Variants in SHISA9 observed in about 807,000 individuals in gnomAD.
The protein encoded by SHISA9 is protein shisa-9.
SHISA9 carries 13 observed loss-of-function variants against 38.0 expected under a neutral mutation model. The ratio of observed to expected loss-of-function variants is 0.34; its 90% CI spans 0.22 to 0.54. The LOEUF (loss-of-function observed/expected upper bound fraction) is 0.54. Ranked by LOEUF, SHISA9 falls within the 20% of genes least tolerant of loss-of-function variation. SHISA9 has a pLI of 0.91. For synonymous variants in SHISA9, 275 were observed against 242.0 expected (o/e 1.14, Z -1.27); for missense variants, 538 against 575.8 (o/e 0.93, Z 0.67).
At chr16:13,149,839 C>T (rs543973820) in intron 2 of SHISA9, among the ~76,000 whole-genome samples, 21 of 150,476 alleles carry the variant, frequency 1.4e-4, no homozygotes, top group African/African-American at 4.2e-4. Flanking sequence ...GCACAAGAAT[C>T]GCTTGAACCT....
At chr16:12,930,770 C>G (rs900266306) in intron 2 of SHISA9, among the ~76,000 whole-genome samples, 1 of 152,100 alleles carries the variant, frequency 6.6e-6, no homozygotes, top group African/African-American at 2.4e-5. Context: ...TATTAAATCT[C>G]TAACAGTTAT....
At chr16:13,261,823 C>G in the SHISA9 span, among the ~76,000 whole-genome samples, 1 of 152,092 alleles carries the variant, frequency 6.6e-6, no homozygotes, top group Admixed American at 6.5e-5. Context: ...ACAAAGAAAA[C>G]TGAGATAGGA....
At chr16:13,213,388 T>G in intron 4 of SHISA9, 88 bp downstream of exon 4, 1 of 1,261,466 alleles carries the variant, frequency 7.9e-7, no homozygotes, top group Non-Finnish European at 1.1e-6. Context: ...CTGGTGTCTG[T>G]GTGACCTGTG....
At chr16:13,155,586 T>TG (rs1281463491) in intron 2 of SHISA9, among the ~76,000 whole-genome samples, 6 of 137,240 alleles carry the variant, frequency 4.4e-5, no homozygotes, top group South Asian at 2.5e-4. Flanking sequence ...TGTTTGTGTG[T>TG]GTGGTGTGTG....
intron 2 of SHISA9, among the ~76,000 whole-genome samples, chr16:13,026,433 A>G (rs1352695745): frequency 5.3e-5 from 8 of 152,332 alleles, no homozygotes; most frequent in Admixed American, 5.2e-4. Context: ...ATACTATTCC[A>G]TTGTATGACT....
chr16:13,509,538 G>A, the SHISA9 span, among the ~76,000 whole-genome samples: 1 of 152,182 alleles, frequency 6.6e-6, no homozygotes, highest in East Asian at 1.9e-4. Flanking sequence ...CTCAGGCATG[G>A]AGCCCACATA....
rs533635887 is a variant in SHISA9 at position 13,182,935 on chromosome 16, C to A, written c.692-20459C>A. Among the ~76,000 whole-genome samples the A allele has an allele frequency of 7.2e-5, 11 of 152,338 alleles. No homozygotes were observed. In the South Asian group the frequency reaches 2.3e-3, roughly 32 times the overall value. On this transcript the variant is annotated intron_variant, in intron 2 of 4. Coordinates refer to ENST00000558583, the MANE Select transcript of SHISA9 (RefSeq NM_001145204.3). ...CACACAGTGACTGGAGCAGAAGTCA[C>A]CCTGAAGTTGCTTCTCTTACATGTC...
At chr16:13,352,701 G>C in the SHISA9 span, among the ~76,000 whole-genome samples, 16 of 10,108 alleles carry the variant, frequency 1.6e-3, no homozygotes, top group African/African-American at 4.7e-3. Flanking sequence ...GGGAGATAAG[G>C]GGGGGGGGGG....
chr16:13,329,613 C>A, the SHISA9 span, among the ~76,000 whole-genome samples: 1 of 152,186 alleles, frequency 6.6e-6, no homozygotes, highest in Non-Finnish European at 1.5e-5. Context: ...CAAGACTACT[C>A]CTTCCCAGGC....
chr16:13,551,088 C>T, the SHISA9 span, among the ~76,000 whole-genome samples: 1 of 151,370 alleles, frequency 6.6e-6, no homozygotes, highest in Non-Finnish European at 1.5e-5. Flanking sequence ...CACGCCACTG[C>T]ACTCCAGCCT....
At chr16:13,432,976 T>C in the SHISA9 span, among the ~76,000 whole-genome samples, 1 of 152,102 alleles carries the variant, frequency 6.6e-6, no homozygotes, top group Non-Finnish European at 1.5e-5. Context: ...CTAGGCTTAA[T>C]GCTTAGGTGA....
chr16:13,475,197 G>A, the SHISA9 span, among the ~76,000 whole-genome samples: 1 of 152,050 alleles, frequency 6.6e-6, no homozygotes, highest in Admixed American at 6.6e-5. Flanking sequence ...TGTTTTGGAG[G>A]TGGAGTTCTC....
chr16:12,954,352 A>G (rs944172288), intron 2 of SHISA9, among the ~76,000 whole-genome samples: 4 of 152,192 alleles, frequency 2.6e-5, no homozygotes, highest in African/African-American at 9.6e-5. Flanking sequence ...CAGAACTCAG[A>G]TTTTATCTTG....
intron 2 of SHISA9, among the ~76,000 whole-genome samples, chr16:12,970,396 T>G: frequency 1.9e-4 from 1 of 5,302 alleles, no homozygotes; most frequent in East Asian, 5.5e-3. Flanking sequence ...TATGTATATA[T>G]ATATATACAT....
chr16:13,380,249 G>T, the SHISA9 span, among the ~76,000 whole-genome samples: 9 of 152,148 alleles, frequency 5.9e-5, no homozygotes, highest in African/African-American at 2.2e-4. Context: ...ATTATTTTTC[G>T]TATCAAAAGA....
chr16:13,287,933 G>A, the SHISA9 span, among the ~76,000 whole-genome samples: 12 of 152,112 alleles, frequency 7.9e-5, no homozygotes, highest in East Asian at 1.9e-4. Context: ...AAGCCCCTTC[G>A]CTAATGGGTG....
intron 2 of SHISA9, among the ~76,000 whole-genome samples, chr16:12,919,466 A>G (rs1300288384): frequency 6.6e-6 from 1 of 152,194 alleles, no homozygotes; most frequent in Non-Finnish European, 1.5e-5. Context: ...TGTCTATTCA[A>G]TCACCCACTC....
the SHISA9 span, among the ~76,000 whole-genome samples, chr16:13,300,260 A>G: frequency 6.6e-6 from 1 of 151,952 alleles, no homozygotes; most frequent in Non-Finnish European, 1.5e-5. Context: ...CCCACATTCC[A>G]TTTCTGAGTG....
the SHISA9 span, among the ~76,000 whole-genome samples, chr16:13,287,960 C>T: frequency 6.6e-6 from 1 of 151,920 alleles, no homozygotes; most frequent in East Asian, 1.9e-4. Context: ...GGTCCATTCA[C>T]AGAGAAGAGT....
Sources: gnomAD v4.1 joint callset for allele counts (sites outside exome capture counted in the v4.1 genomes callset) on GRCh38, gnomAD v4.1.1 for gene constraint, MANE v1.5 for transcripts, NCBI Gene and HGNC (gene_info 2026-07-23, HGNC 2026-07-21) for gene names.